DCC: variants seen among roughly 807,000 people sequenced by gnomAD.
DCC encodes the protein netrin receptor DCC.
Under a neutral mutation model 172.5 loss-of-function variants are expected in DCC, and 58 were observed. The observed-to-expected ratio is 0.34, with a 90% confidence interval of 0.27 to 0.42. The LOEUF (loss-of-function observed/expected upper bound fraction) is 0.42, where lower values mean the gene tolerates loss of function less well. Among genes scored for constraint, DCC ranks in the 10% least tolerant of loss-of-function variants. DCC has a pLI of 1.00. For synonymous variants in DCC, 709 were observed against 644.5 expected (o/e 1.10, Z -1.52); for missense variants, 1,740 against 1,791.0 (o/e 0.97, Z 0.51).
At chr18:53,251,427 A>G (rs2056431639) in intron 12 of DCC, among the ~76,000 whole-genome samples, 1 of 151,984 alleles carries the variant, frequency 6.6e-6, no homozygotes, top group South Asian at 2.1e-4. Context: ...GGAAATGAGC[A>G]TTGTGTTATG....
intron 2 of DCC, among the ~76,000 whole-genome samples, chr18:52,849,723 A>G (rs2145336849): frequency 6.6e-6 from 1 of 152,284 alleles, no homozygotes; most frequent in Non-Finnish European, 1.5e-5. Context: ...TTCATTTTTT[A>G]GCACAGAAAA....
intron 23 of DCC, among the ~76,000 whole-genome samples, chr18:53,454,844 C>G (rs1273936738): frequency 6.6e-6 from 1 of 152,138 alleles, no homozygotes; most frequent in Admixed American, 6.5e-5. Flanking sequence ...ATATTCACCT[C>G]ATAAGAGATT....
chr18:53,112,615 C>G lies in DCC; in HGVS notation c.1262-44741C>G, dbSNP rs76276817. On this transcript the variant is annotated intron_variant, in intron 7 of 28. Transcript: ENST00000442544. ...CCATAAGCTATAACATTTCAGCTGC[C>G]CTCAGATAAGCTGTATGTAAGGACC... Among the ~76,000 whole-genome samples the G allele has an allele frequency of 2.8e-3, 425 of 151,518 alleles. 13 individuals carry two copies. The East Asian group carries it at 0.075, about 27-fold the overall frequency.
intron 5 of DCC, among the ~76,000 whole-genome samples, chr18:53,046,940 G>A (rs1204147291): frequency 6.6e-6 from 1 of 151,428 alleles, no homozygotes; most frequent in African/African-American, 2.4e-5. Flanking sequence ...TAATGCAGTG[G>A]CTTTTCCCAG....
At chr18:53,090,519 C>T (rs931506523) in intron 7 of DCC, among the ~76,000 whole-genome samples, 3 of 151,210 alleles carry the variant, frequency 2.0e-5, no homozygotes, top group South Asian at 4.2e-4. Flanking sequence ...AGGTGAAATT[C>T]CGTCTCTACT....
chr18:53,496,427 T>C (rs919955957), intron 26 of DCC, among the ~76,000 whole-genome samples: 1 of 149,566 alleles, frequency 6.7e-6, no homozygotes, highest in African/African-American at 2.5e-5. Flanking sequence ...ACAAAAAGGA[T>C]GTCCACGAAG....
At chr18:53,476,796 G>A (rs2045768456) in intron 25 of DCC, among the ~76,000 whole-genome samples, 2 of 151,976 alleles carry the variant, frequency 1.3e-5, no homozygotes, top group South Asian at 4.2e-4. Flanking sequence ...CAGATGCCAG[G>A]CATTTCACTT....
intron 1 of DCC, among the ~76,000 whole-genome samples, chr18:52,704,011 C>T (rs1233782818): frequency 6.6e-6 from 1 of 151,898 alleles, no homozygotes; most frequent in Non-Finnish European, 1.5e-5. Context: ...TATGCTGGGT[C>T]TCAGGTTAAG....
chr18:53,527,339 TTCCCAA>T, intron 28 of DCC, among the ~76,000 whole-genome samples: 1 of 151,988 alleles, frequency 6.6e-6, no homozygotes, highest in South Asian at 2.1e-4. Context: ...CTGCCTCAAT[TTCCCAA>T]GTAGCTAAGA....
intron 9 of DCC, among the ~76,000 whole-genome samples, chr18:53,181,210 C>T (rs545862656): frequency 1.1e-3 from 168 of 152,182 alleles, no homozygotes; most frequent in Middle Eastern, 3.4e-3. Context: ...TTTTTCATCT[C>T]CTAGTTCTAA....
At chr18:52,876,977 CAATG>C (rs1452872762) in intron 2 of DCC, among the ~76,000 whole-genome samples, 2 of 152,094 alleles carry the variant, frequency 1.3e-5, no homozygotes, top group African/African-American at 2.4e-5. Flanking sequence ...TTCAGATAAA[CAATG>C]AATATGTTTT....
intron 12 of DCC, among the ~76,000 whole-genome samples, chr18:53,253,521 C>T (rs544650174): frequency 2.2e-4 from 34 of 152,128 alleles, no homozygotes; most frequent in Admixed American, 6.6e-5. Flanking sequence ...AAACAAGTGG[C>T]GTACCGCCTC....
At chr18:52,679,767 G>C (rs2035711807) in intron 1 of DCC, among the ~76,000 whole-genome samples, 2 of 152,038 alleles carry the variant, frequency 1.3e-5, no homozygotes, top group South Asian at 4.1e-4. Flanking sequence ...TGTGTAGCAG[G>C]TTTACTTCCC....
At chr18:52,736,807 C>A (rs568365702) in intron 1 of DCC, among the ~76,000 whole-genome samples, 17 of 152,004 alleles carry the variant, frequency 1.1e-4, no homozygotes, top group Non-Finnish European at 2.5e-4. Context: ...AGGAGAGAAC[C>A]CACAAGTGGG....
At chr18:53,017,793 C>A (rs1005232112) in intron 5 of DCC, among the ~76,000 whole-genome samples, 42 of 152,146 alleles carry the variant, frequency 2.8e-4, no homozygotes, top group African/African-American at 9.7e-4. Flanking sequence ...TTTTACTATG[C>A]CAAAAATTTG....
intron 1 of DCC, among the ~76,000 whole-genome samples, chr18:52,702,427 C>T (rs939680531): frequency 6.6e-6 from 1 of 152,190 alleles, no homozygotes; most frequent in Non-Finnish European, 1.5e-5. Context: ...AGTCCAATAA[C>T]ATCTTTAATA....
At chr18:53,163,820 T>C (rs1211403673) in intron 8 of DCC, among the ~76,000 whole-genome samples, 3 of 152,292 alleles carry the variant, frequency 2.0e-5, no homozygotes, top group East Asian at 3.9e-4. Context: ...AACTTCCTGC[T>C]ACCTAAACAT....
intron 1 of DCC, among the ~76,000 whole-genome samples, chr18:52,374,023 C>G (rs927089678): frequency 2.0e-5 from 3 of 151,370 alleles, no homozygotes; most frequent in Non-Finnish European, 4.4e-5. Context: ...TCTGGAGTAG[C>G]TGGGACTACA....
chr18:53,248,601 G>T (rs947090154), intron 12 of DCC, among the ~76,000 whole-genome samples: 2 of 151,980 alleles, frequency 1.3e-5, no homozygotes, highest in Non-Finnish European at 2.9e-5. Flanking sequence ...GCCAGAGCTG[G>T]CTCCTGTCAT....
Sources: gnomAD v4.1 joint callset for allele counts (sites outside exome capture counted in the v4.1 genomes callset) on GRCh38, gnomAD v4.1.1 for gene constraint, MANE v1.5 for transcripts, NCBI Gene and HGNC (gene_info 2026-07-23, HGNC 2026-07-21) for gene names.